The following DYNC2I2 variants were observed in gnomAD, a reference collection of about 807,000 sequenced individuals.
DYNC2I2 encodes the protein cytoplasmic dynein 2 intermediate chain 2.
Under a neutral mutation model 52.0 loss-of-function variants are expected in DYNC2I2, and 39 were observed. That is an observed-to-expected ratio of 0.75 (90% CI 0.58 to 0.98). The LOEUF (loss-of-function observed/expected upper bound fraction) is 0.98. Ranked by LOEUF, DYNC2I2 falls within the 50% of genes least tolerant of loss-of-function variation. DYNC2I2 has a pLI of 0.00. For missense variants in DYNC2I2, 743 were observed against 728.4 expected (o/e 1.02, Z -0.23); for synonymous variants, 359 against 321.1 (o/e 1.12, Z -1.26).
the DYNC2I2 span, among the ~76,000 whole-genome samples, chr9:128,670,822 T>C: frequency 1.3e-5 from 2 of 151,024 alleles, no homozygotes; most frequent in African/African-American, 4.9e-5. Context: ...CCCAGCACTT[T>C]GGGAGGCTGA....
intron 1 of DYNC2I2, among the ~76,000 whole-genome samples, chr9:128,655,661 G>A (rs1221065162): frequency 6.6e-6 from 1 of 151,140 alleles, no homozygotes; most frequent in African/African-American, 2.4e-5. Context: ...TGTAATCCCA[G>A]CACTTTGGAA....
intron 7 of DYNC2I2, 89 bp from the exon 8 acceptor site, chr9:128,634,472 C>A: frequency 6.7e-7 from 1 of 1,491,564 alleles, no homozygotes. Context: ...CCTGGGCTGC[C>A]AGGCTCGTGA....
At chr9:128,647,650 T>C (rs1334621071) in intron 1 of DYNC2I2, among the ~76,000 whole-genome samples, 1 of 150,104 alleles carries the variant, frequency 6.7e-6, no homozygotes, top group East Asian at 2.0e-4. Context: ...CAGAATTGCT[T>C]GAACCCAGAA....
At chr9:128,652,451 A>G (rs1301805842) in intron 1 of DYNC2I2, among the ~76,000 whole-genome samples, 5 of 129,746 alleles carry the variant, frequency 3.9e-5, no homozygotes, top group African/African-American at 1.5e-4. Context: ...AAAAAAAAAA[A>G]GAAAGAAAGA....
chr9:128,636,978 A>G lies in DYNC2I2; in HGVS notation c.485T>C (p.Leu162Pro). Residue 162 changes from leucine to proline, a missense_variant, in exon 3 of 9, where the codon CTG becomes CCG. By Grantham distance (98) the Leu-to-Pro change is moderately conservative. Transcript: ENST00000372715. ...LGYPPAQAQG[L>P]HVTSISWNST... ...GTTCCAGGAGATGCTGGTCACATGC[A>G]GACCCTGCGCTTGGGCTGGCGGGTA... The G allele has an allele frequency of 1.9e-6, 3 of 1,613,514 alleles. No homozygotes were observed. Among genetic ancestry groups the G allele is most frequent in the Non-Finnish European group, 2.5e-6 (3 of 1,180,000 alleles).
chr9:128,639,138 G>A (rs1252643225), intron 2 of DYNC2I2, among the ~76,000 whole-genome samples: 2 of 152,044 alleles, frequency 1.3e-5, no homozygotes, highest in Non-Finnish European at 2.9e-5. Context: ...GGTGGCTCAC[G>A]CCTGTAATCA....
intron 1 of DYNC2I2, among the ~76,000 whole-genome samples, chr9:128,642,453 CAAAAAAAAA>C (rs34018869): frequency 1.3e-5 from 1 of 78,452 alleles, no homozygotes; most frequent in Non-Finnish European, 2.5e-5. Context: ...GAGACTTTCT[CAAAAAAAAA>C]AAAAAAAAAA....
At chr9:128,636,647 C>T (rs1417395550) in intron 3 of DYNC2I2, among the ~76,000 whole-genome samples, 2 of 152,194 alleles carry the variant, frequency 1.3e-5, no homozygotes, top group Non-Finnish European at 2.9e-5. Context: ...CAAGGACAGT[C>T]CATGCCATGC....
chr9:128,665,496 G>A, the DYNC2I2 span, among the ~76,000 whole-genome samples: 30 of 152,112 alleles, frequency 2.0e-4, no homozygotes, highest in African/African-American at 6.0e-4. Flanking sequence ...GGGACCAGGC[G>A]CGGTGGTTCA....
the DYNC2I2 span, among the ~76,000 whole-genome samples, chr9:128,675,064 A>T: frequency 6.6e-6 from 1 of 152,118 alleles, no homozygotes; most frequent in African/African-American, 2.4e-5. Flanking sequence ...TTTTCATTAC[A>T]CTAAGGCTAT....
At chr9:128,661,332 A>G (rs1860915710), upstream of DYNC2I2, among the ~76,000 whole-genome samples, 1 of 148,812 alleles carries the variant, frequency 6.7e-6, no homozygotes, top group South Asian at 2.1e-4. Flanking sequence ...AACAAAAAGA[A>G]AAACCAGCCT....
upstream of DYNC2I2, among the ~76,000 whole-genome samples, chr9:128,659,644 C>T (rs1860895777): frequency 6.6e-6 from 1 of 151,002 alleles, no homozygotes; most frequent in Non-Finnish European, 1.5e-5. Context: ...CGCAGTAGCT[C>T]ACACCTGTAA....
intron 2 of DYNC2I2, among the ~76,000 whole-genome samples, chr9:128,638,786 T>C (rs945836): frequency 0.82 from 124,805 of 152,122 alleles, 51,810 homozygotes; most frequent in Non-Finnish European, 0.89. Context: ...AAAAGGGGAA[T>C]AGCCCAAATG....
upstream of DYNC2I2, among the ~76,000 whole-genome samples, chr9:128,659,841 G>C (rs1860897519): frequency 1.3e-5 from 2 of 151,668 alleles, 1 homozygote; most frequent in South Asian, 4.2e-4. Flanking sequence ...CTGGGAGGTG[G>C]AAGTGGCAGT....
the DYNC2I2 span, among the ~76,000 whole-genome samples, chr9:128,662,408 G>GTGTTTTGTTT: frequency 4.0e-5 from 6 of 150,108 alleles, no homozygotes; most frequent in South Asian, 2.1e-4. Flanking sequence ...ACAGTCTTGG[G>GTGTTTTGTTT]TGTTTTGTTT....
At chr9:128,683,738 G>C in the DYNC2I2 span, 3 of 579,544 alleles carry the variant, frequency 5.2e-6, no homozygotes, top group African/African-American at 5.8e-5. Flanking sequence ...GGGGGAGGGG[G>C]CCGGGGTGTG....
Position 128,633,897 on chromosome 9 carries a change from G to C in DYNC2I2, c.1458C>G (p.Tyr486Ter). ...IKQTQDESPV[Y>*]CLEFNSQQTQ... The stretch of plus-strand genomic sequence containing the variant: ...TCTGCTGGCTGTTGAACTCCAGACA[G>C]TAGACAGGGCTTTCATCCTGGGTTT... The change falls in exon 9 of 9, where the codon TAC becomes TAG. Residue 486 changes from tyrosine (Y) to a stop codon, truncating the protein, a stop_gained. Coordinates refer to ENST00000372715, the MANE Select transcript of DYNC2I2 (RefSeq NM_052844.4). LOFTEE classifies it high-confidence loss of function. The C allele has an allele frequency of 1.2e-6, 2 of 1,613,454 alleles. No individual in the cohort carries two copies. Among genetic ancestry groups the C allele is most frequent in the Non-Finnish European group, 1.7e-6 (2 of 1,180,048 alleles).
At chr9:128,643,191 C>T (rs1005898846) in intron 1 of DYNC2I2, among the ~76,000 whole-genome samples, 3 of 151,940 alleles carry the variant, frequency 2.0e-5, no homozygotes, top group Non-Finnish European at 4.4e-5. Flanking sequence ...TTGAGACCAG[C>T]CTGGGCAACA....
upstream of DYNC2I2, among the ~76,000 whole-genome samples, chr9:128,660,692 G>A (rs1441722762): frequency 1.3e-5 from 2 of 151,946 alleles, no homozygotes; most frequent in African/African-American, 4.8e-5. Flanking sequence ...ACCATGCCTG[G>A]CCTGACAAAG....
Sources: gnomAD v4.1 joint callset for allele counts (sites outside exome capture counted in the v4.1 genomes callset) on GRCh38, gnomAD v4.1.1 for gene constraint, MANE v1.5 for transcripts, NCBI Gene and HGNC (gene_info 2026-07-23, HGNC 2026-07-21) for gene names.